Variants in GABRA5 observed in about 807,000 individuals in gnomAD.
The protein encoded by GABRA5 is gamma-aminobutyric acid type A receptor subunit alpha5.
A neutral mutation model predicts 47.3 loss-of-function variants in GABRA5; 18 were observed. The ratio of observed to expected loss-of-function variants is 0.38; its 90% CI spans 0.26 to 0.56. GABRA5 has a LOEUF of 0.56. GABRA5 is among the 20% of genes least tolerant of loss of function. GABRA5 has a pLI of 0.71. For synonymous variants in GABRA5, 237 were observed against 229.3 expected, an observed-to-expected ratio of 1.03 and a Z score of -0.30; for missense variants, 365 against 599.3, an observed-to-expected ratio of 0.61 and a Z score of 4.08.
chr15:26,883,151 G>GT lies in GABRA5; in HGVS notation c.209-14dup. On this transcript the variant is annotated splice_polypyrimidine_tract_variant and intron_variant, in intron 4 of 10. Coordinates refer to ENST00000335625, the MANE Select transcript of GABRA5 (RefSeq NM_000810.4). The surrounding 1 kb of genome is among the most constrained non-coding windows in gnomAD (Gnocchi z 4.8). ...GTGGGTCGGTGCAGCCCAGGGACCT[G>GT]TGTCTGTCTTTCAGAGCGCATCACT... 6.2e-7 allele frequency: 1 copy of GT among 1,612,560 alleles called. No individual in the cohort carries two copies. Among genetic ancestry groups the GT allele is most frequent in the Non-Finnish European group, 8.5e-7 (1 of 1,178,600 alleles).
At chr15:26,898,130 G>T (rs1020891009) in intron 6 of GABRA5, among the ~76,000 whole-genome samples, 1 of 152,140 alleles carries the variant, frequency 6.6e-6, no homozygotes, top group African/African-American at 2.4e-5. Context: ...AGAGATTTAG[G>T]GTTGGATCAC....
chr15:26,911,549 A>T (rs920359426), intron 6 of GABRA5, among the ~76,000 whole-genome samples: 1 of 152,192 alleles, frequency 6.6e-6, no homozygotes, highest in African/African-American at 2.4e-5. Flanking sequence ...CCATGGCAGA[A>T]GGAGCGGCTC....
chr15:26,869,539 G>T (rs1192843696), intron 3 of GABRA5, among the ~76,000 whole-genome samples: 1 of 152,200 alleles, frequency 6.6e-6, no homozygotes, highest in East Asian at 1.9e-4. Context: ...TGGGGTCTCT[G>T]AAGTGAGTCA....
chr15:26,901,770 G>A (rs997256773), intron 6 of GABRA5, among the ~76,000 whole-genome samples: 1 of 152,082 alleles, frequency 6.6e-6, no homozygotes, highest in Non-Finnish European at 1.5e-5. Flanking sequence ...TGTTATAGGA[G>A]TTTTATAGTT....
At chr15:26,946,739 T>A (rs533371153) in intron 10 of GABRA5, among the ~76,000 whole-genome samples, 186 of 152,004 alleles carry the variant, frequency 1.2e-3, no homozygotes, top group African/African-American at 4.2e-3. Flanking sequence ...ATATCCACTA[T>A]TTTTATTTCT....
chr15:26,912,715 T>C (rs1893627057), intron 6 of GABRA5, among the ~76,000 whole-genome samples: 1 of 152,242 alleles, frequency 6.6e-6, no homozygotes, highest in South Asian at 2.1e-4. Flanking sequence ...GGGGAAGTAC[T>C]TCTGTTCTAG....
chr15:26,897,132 G>A (rs557025525), intron 6 of GABRA5, among the ~76,000 whole-genome samples: 2 of 152,120 alleles, frequency 1.3e-5, no homozygotes, highest in East Asian at 1.9e-4. Context: ...ATACATGAGC[G>A]TGAATTTTAA....
At chr15:26,902,122 C>T (rs1319206071) in intron 6 of GABRA5, among the ~76,000 whole-genome samples, 1 of 151,960 alleles carries the variant, frequency 6.6e-6, no homozygotes, top group African/African-American at 2.4e-5. Flanking sequence ...ATTATGGCTA[C>T]TCTGGGTCTT....
intron 7 of GABRA5, 56 bp downstream of exon 7, chr15:26,914,941 C>T (rs1937192774): frequency 7.3e-7 from 1 of 1,377,708 alleles, no homozygotes; most frequent in African/African-American, 1.4e-5. Flanking sequence ...ATCAATTCCA[C>T]ATTTATTCAG....
intron 7 of GABRA5, among the ~76,000 whole-genome samples, chr15:26,933,372 A>G (rs1894155943): frequency 6.6e-6 from 1 of 152,220 alleles, no homozygotes; most frequent in Admixed American, 6.5e-5. Flanking sequence ...AATAATTGGA[A>G]GGAGCTGGTG....
At chr15:26,928,973 C>T (rs1351487462) in intron 7 of GABRA5, among the ~76,000 whole-genome samples, 1 of 152,140 alleles carries the variant, frequency 6.6e-6, no homozygotes, top group Non-Finnish European at 1.5e-5. Flanking sequence ...AATCACCTCC[C>T]AACGCCCCAC....
Position 26,939,976 on chromosome 15 carries a change from A to G in GABRA5, c.776A>G (p.Tyr259Cys), listed in dbSNP as rs1398507222. 2 of 1,613,980 alleles carry G rather than the reference A, an allele frequency of 1.2e-6. No individual in the cohort carries two copies. The highest frequency in any genetic ancestry group is 1.7e-6 in the Non-Finnish European group (2 of 1,179,882). The change falls in exon 9 of 11, where the codon TAC becomes TGC. Residue 259 changes from tyrosine to cysteine, a missense_variant. Physicochemically the swap from Tyr to Cys is radical, Grantham distance 194. Around this residue, in one of 3 missense-constraint regions of GABRA5, gnomAD observed 43 missense variants for 133.7 expected, o/e 0.32. Coordinates refer to ENST00000335625, the MANE Select transcript of GABRA5 (RefSeq NM_000810.4). ...TTCCACCTGAAAAGGAAGATTGGCT[A>G]CTTTGTCATCCAGACCTACCTTCCC... Reference protein sequence around the residue: ...AHFHLKRKIGYFVIQTYLPCI... With the variant: ...AHFHLKRKIGCFVIQTYLPCI...
At chr15:26,931,466 G>A (rs1019080589) in intron 7 of GABRA5, among the ~76,000 whole-genome samples, 1 of 151,996 alleles carries the variant, frequency 6.6e-6, no homozygotes, top group Non-Finnish European at 1.5e-5. Context: ...ATCACCTCCC[G>A]AAGGCTCTTA....
rs368170152 is a variant in GABRA5 at position 26,914,854 on chromosome 15, T to C, written c.549T>C (p.Asp183=). The C allele has an allele frequency of 1.3e-4, 206 of 1,614,058 alleles. No homozygotes were observed. The African/African-American group carries it at 2.3e-3, about 18-fold the overall frequency. The change falls in exon 7 of 11, where the codon GAT becomes GAC. Residue 183 remains aspartate (D), a synonymous_variant. Coordinates refer to ENST00000335625, the MANE Select transcript of GABRA5 (RefSeq NM_000810.4). ...TGCAGCTTGAGGACTTCCCGATGGA[T>C]GCGCACGCTTGCCCTCTGAAATTTG... ...CPMQLEDFPM[D]AHACPLKFGS...
chr15:26,883,423 C>T lies in GABRA5; in HGVS notation c.363C>T (p.Asn121=). ...GGCCCATGCAGCGCCTCCCTCTCAA[C>T]AACCTCCTTGCCAGCAAGATCTGGA... ...FKGPMQRLPL[N]NLLASKIWTP... Residue 121 remains asparagine, a synonymous_variant, in exon 6 of 11, where the codon AAC becomes AAT. Transcript: ENST00000335625. The surrounding 1 kb of genome is among the most constrained non-coding windows in gnomAD (Gnocchi z 4.8). 1 of 1,614,140 alleles carries T rather than the reference C, an allele frequency of 6.2e-7. No individual in the cohort carries two copies. The highest frequency in any genetic ancestry group is 8.5e-7 in the Non-Finnish European group (1 of 1,179,980).
chr15:26,869,426 C>T (rs1595389214), intron 3 of GABRA5, 92 bp downstream of exon 3: 9 of 789,914 alleles, frequency 1.1e-5, no homozygotes, highest in Non-Finnish European at 2.0e-5. Flanking sequence ...TTGAGCAAGT[C>T]CTCGCCTGCC....
chr15:26,893,362 G>A, intron 6 of GABRA5, among the ~76,000 whole-genome samples: 1 of 528 alleles, frequency 1.9e-3, no homozygotes. Flanking sequence ...TGTGTATGGT[G>A]TGTAGCGTGT....
chr15:26,889,053 G>A (rs1892944502), intron 6 of GABRA5, among the ~76,000 whole-genome samples: 1 of 152,262 alleles, frequency 6.6e-6, no homozygotes, highest in South Asian at 2.1e-4. Context: ...TTACATTGTA[G>A]TAGATACGCT....
chr15:26,892,472 C>G (rs1234869167), intron 6 of GABRA5, among the ~76,000 whole-genome samples: 3 of 152,054 alleles, frequency 2.0e-5, no homozygotes, highest in Non-Finnish European at 2.9e-5. Context: ...ACATGACCTG[C>G]GAGTCCGCGG....
Sources: allele counts gnomAD v4.1 joint callset (sites outside exome capture counted in the v4.1 genomes callset), GRCh38; gene constraint gnomAD v4.1.1; regional missense constraint gnomAD v4.1.1; non-coding constraint Gnocchi (gnomAD v3.1); transcripts MANE v1.5; gene names NCBI Gene and HGNC (gene_info 2026-07-23, HGNC 2026-07-21).